Variants in EYS observed in about 807,000 individuals in gnomAD.
EYS encodes the protein protein eyes shut homolog.
Under a neutral mutation model 282.1 loss-of-function variants are expected in EYS, and 250 were observed. That is an observed-to-expected ratio of 0.89 (90% confidence interval 0.80 to 0.98). The LOEUF is 0.98. Among genes scored for constraint, EYS ranks in the 50% least tolerant of loss-of-function variants. The probability of loss-of-function intolerance (pLI) is 0.00; values close to 1 mark genes in which losing one functional copy is unlikely to be tolerated. For synonymous variants in EYS, 1,355 were observed against 1,282.9 expected, an observed-to-expected ratio of 1.06 and a Z score of -1.20; for missense variants, 4,016 against 3,709.0, an observed-to-expected ratio of 1.08 and a Z score of -2.15.
intron 14 of EYS, among the ~76,000 whole-genome samples, chr6:64,955,698 G>A (rs1239474751): frequency 1.3e-5 from 2 of 152,154 alleles, no homozygotes; most frequent in Non-Finnish European, 2.9e-5. Context: ...TAATAACTAC[G>A]ATGGAGTCAC....
intron 24 of EYS, among the ~76,000 whole-genome samples, chr6:64,596,280 C>T (rs2149835281): frequency 6.6e-6 from 1 of 152,206 alleles, no homozygotes; most frequent in South Asian, 2.1e-4. Context: ...TTATGAATGA[C>T]CATGCTATTC....
intron 10 of EYS, among the ~76,000 whole-genome samples, chr6:65,337,206 AATCT>A (rs1770020842): frequency 1.3e-5 from 2 of 151,510 alleles, no homozygotes; most frequent in South Asian, 4.1e-4. Context: ...AAGAAAGTCA[AATCT>A]ACTAGGAAGT....
At chr6:64,064,157 C>T (rs1355663004) in intron 33 of EYS, among the ~76,000 whole-genome samples, 1 of 152,158 alleles carries the variant, frequency 6.6e-6, no homozygotes, top group Non-Finnish European at 1.5e-5. Flanking sequence ...AACAACATAT[C>T]TCAAATTATT....
intron 27 of EYS, among the ~76,000 whole-genome samples, chr6:64,437,987 A>G (rs1774810136): frequency 6.6e-6 from 1 of 151,744 alleles, no homozygotes; most frequent in African/African-American, 2.4e-5. Context: ...GAATTATATA[A>G]GTTAATTACC....
At chr6:64,918,905 C>A (rs1415926969) in intron 15 of EYS, among the ~76,000 whole-genome samples, 1 of 152,004 alleles carries the variant, frequency 6.6e-6, no homozygotes, top group Non-Finnish European at 1.5e-5. Flanking sequence ...CCAAGGCATG[C>A]AATAAAAATT....
intron 13 of EYS, among the ~76,000 whole-genome samples, chr6:65,040,909 A>G (rs1347826583): frequency 6.6e-6 from 1 of 151,728 alleles, no homozygotes; most frequent in Non-Finnish European, 1.5e-5. Flanking sequence ...TAAGATGCTC[A>G]ATAAGGAAAT....
chr6:64,772,911 A>G (rs62415483), intron 22 of EYS, among the ~76,000 whole-genome samples: 14 of 151,736 alleles, frequency 9.2e-5, no homozygotes, highest in African/African-American at 3.4e-4. Context: ...CTTCTTCTAC[A>G]TGGATATGGC....
intron 2 of EYS, among the ~76,000 whole-genome samples, chr6:65,543,426 TATAA>T (rs1346930732): frequency 2.7e-5 from 4 of 148,176 alleles, no homozygotes; most frequent in African/African-American, 7.3e-5. Context: ...GTATATTATG[TATAA>T]ATACATTATA....
intron 26 of EYS, among the ~76,000 whole-genome samples, chr6:64,454,279 T>C (rs1447234858): frequency 2.6e-5 from 4 of 152,158 alleles, no homozygotes; most frequent in Admixed American, 6.5e-5. Context: ...ACAGAGTTAA[T>C]TGGTTTTTTG....
intron 22 of EYS, among the ~76,000 whole-genome samples, chr6:64,719,045 G>A (rs1771487827): frequency 1.3e-5 from 2 of 152,326 alleles, no homozygotes; most frequent in Non-Finnish European, 1.5e-5. Context: ...ATGCAGCAGA[G>A]GAAAATTCAG....
At chr6:64,360,034 T>C (rs1771954032) in intron 29 of EYS, among the ~76,000 whole-genome samples, 1 of 151,704 alleles carries the variant, frequency 6.6e-6, no homozygotes, top group African/African-American at 2.4e-5. Flanking sequence ...CTTCATAATA[T>C]GGGCAATTCT....
intron 35 of EYS, among the ~76,000 whole-genome samples, chr6:63,936,879 A>G (rs913471693): frequency 2.0e-5 from 3 of 152,236 alleles, no homozygotes; most frequent in Non-Finnish European, 4.4e-5. Context: ...GTAACAAATA[A>G]GTTGCAAACT....
intron 31 of EYS, among the ~76,000 whole-genome samples, chr6:64,227,559 T>C (rs1766288506): frequency 6.6e-6 from 1 of 152,102 alleles, no homozygotes; most frequent in Admixed American, 6.6e-5. Context: ...CAAAGTAATT[T>C]AACAACTCAA....
Position 65,602,695 on chromosome 6 carries a change from C to T in EYS, c.-333+37083G>A, listed in dbSNP as rs149511091. Among the ~76,000 whole-genome samples the T allele has an allele frequency of 7.3e-3, 1,105 of 151,972 alleles. 11 individuals are homozygous for T. The highest frequency in any genetic ancestry group is 0.024 in the African/African-American group (979 of 41,494). On this transcript the variant is annotated intron_variant, in intron 2 of 42. Coordinates refer to ENST00000503581, the MANE Select transcript of EYS (RefSeq NM_001142800.2). ...CATTTGCAGTTTGTGGTTAAGCAGG[C>T]AGTAAACTCTTCTTCACACAAGTCA... is the stretch of plus-strand genomic sequence containing the variant.
At chr6:64,784,723 T>TCACC (rs1307039353) in intron 22 of EYS, among the ~76,000 whole-genome samples, 1 of 152,190 alleles carries the variant, frequency 6.6e-6, no homozygotes, top group African/African-American at 2.4e-5. Flanking sequence ...ATTCAAGCCA[T>TCACC]CAACCACTTT....
chr6:65,060,311 AAC>A, intron 12 of EYS, among the ~76,000 whole-genome samples: 1 of 151,972 alleles, frequency 6.6e-6, no homozygotes, highest in East Asian at 1.9e-4. Flanking sequence ...ATTAATATAT[AAC>A]ACATTCTATA....
intron 29 of EYS, among the ~76,000 whole-genome samples, chr6:64,313,009 A>T (rs1044878003): frequency 1.3e-5 from 2 of 152,236 alleles, no homozygotes; most frequent in African/African-American, 2.4e-5. Context: ...CAGCAAGGGA[A>T]CAAAACTGGA....
chr6:65,167,096 G>A (rs1273685319), intron 12 of EYS, among the ~76,000 whole-genome samples: 1 of 151,122 alleles, frequency 6.6e-6, no homozygotes, highest in Non-Finnish European at 1.5e-5. Flanking sequence ...TGGTGGGAAG[G>A]TAAAATGGTA....
chr6:65,373,479 G>T (rs1024818884), intron 8 of EYS, among the ~76,000 whole-genome samples: 1 of 151,852 alleles, frequency 6.6e-6, no homozygotes, highest in African/African-American at 2.4e-5. Context: ...GTAACACTCT[G>T]GGAGGTAAAA....
Sources: allele counts gnomAD v4.1 joint callset (sites outside exome capture counted in the v4.1 genomes callset), GRCh38; gene constraint gnomAD v4.1.1; transcripts MANE v1.5; gene names NCBI Gene and HGNC (gene_info 2026-07-23, HGNC 2026-07-21).